The following FGGY variants were observed in gnomAD, a reference collection of about 807,000 sequenced individuals.
The protein encoded by FGGY is FGGY carbohydrate kinase domain-containing protein.
In FGGY, 72 loss-of-function variants were observed where a neutral mutation model predicts 71.3. The observed-to-expected ratio is 1.01, with a 90% CI of 0.84 to 1.23. The LOEUF (loss-of-function observed/expected upper bound fraction) is 1.23. Ranked by LOEUF, FGGY falls within the 50% of genes most tolerant of loss-of-function variation. The pLI, the probability that FGGY is intolerant of heterozygous loss-of-function variation, is 0.00. For synonymous variants in FGGY, 251 were observed against 250.3 expected, an observed-to-expected ratio of 1.00 and a Z score of -0.02; for missense variants, 668 against 682.3, an observed-to-expected ratio of 0.98 and a Z score of 0.23.
At chr1:59,652,842 T>C (rs945605728) in intron 11 of FGGY, among the ~76,000 whole-genome samples, 1 of 152,230 alleles carries the variant, frequency 6.6e-6, no homozygotes, top group African/African-American at 2.4e-5. Flanking sequence ...CGTTTTAGAT[T>C]TTCCAGTTTT....
In FGGY at chr1:59,550,754, T is replaced by C. The variant is rs1327517056; in HGVS notation, c.800-3370T>C. On this transcript the variant is annotated intron_variant, in intron 7 of 15. Coordinates refer to ENST00000303721, the MANE Select transcript of FGGY (RefSeq NM_018291.5). ...ACTGAGTTTCATGGTGAACTAGCAC[T>C]TCCAAGTATGTTTTCATTATGTAAG... 4.6e-5 allele frequency among the ~76,000 whole-genome samples: 7 copies of C among 152,284 alleles called. No individual in the cohort carries two copies. In the East Asian group the frequency reaches 7.7e-4, roughly 17 times the overall value.
chr1:59,615,674 C>T (rs184961360), intron 9 of FGGY, among the ~76,000 whole-genome samples: 1 of 152,130 alleles, frequency 6.6e-6, no homozygotes, highest in Non-Finnish European at 1.5e-5. Context: ...AGAGCTTCTG[C>T]CCAGCAAAAG....
chr1:59,719,977 C>T (rs1431366076), intron 14 of FGGY, among the ~76,000 whole-genome samples: 2 of 152,096 alleles, frequency 1.3e-5, no homozygotes, highest in South Asian at 4.1e-4. Flanking sequence ...AGTAGAATGC[C>T]TTTATATAAC....
At chr1:59,469,734 C>A (rs1317964539) in intron 6 of FGGY, among the ~76,000 whole-genome samples, 1 of 152,042 alleles carries the variant, frequency 6.6e-6, no homozygotes, top group African/African-American at 2.4e-5. Flanking sequence ...TGATCCTCTT[C>A]CTCCTCCCAC....
At chr1:59,431,150 C>T (rs1225279439) in intron 5 of FGGY, among the ~76,000 whole-genome samples, 1 of 152,108 alleles carries the variant, frequency 6.6e-6, no homozygotes, top group Non-Finnish European at 1.5e-5. Flanking sequence ...TGTCACCTAC[C>T]TCCTCTTTTC....
intron 11 of FGGY, among the ~76,000 whole-genome samples, chr1:59,652,112 C>T (rs1002398470): frequency 2.6e-5 from 4 of 152,072 alleles, no homozygotes; most frequent in African/African-American, 4.8e-5. Context: ...GGGTTTCTGC[C>T]GAGAGATCAG....
At chr1:59,629,497 G>A (rs555191353) in intron 10 of FGGY, among the ~76,000 whole-genome samples, 1 of 152,124 alleles carries the variant, frequency 6.6e-6, no homozygotes, top group Non-Finnish European at 1.5e-5. Flanking sequence ...CCATTGAGAG[G>A]GATTATGTCA....
rs1486572097 is a variant in FGGY, at chr1:59,647,729, C to A, written c.1221+9354C>A. 3.3e-5 allele frequency among the ~76,000 whole-genome samples: 5 copies of A among 151,380 alleles called. No homozygotes were observed. In the South Asian group the frequency reaches 1.0e-3, roughly 32 times the overall value. On this transcript the variant is annotated intron_variant, in intron 11 of 15. Coordinates refer to ENST00000303721, the MANE Select transcript of FGGY (RefSeq NM_018291.5). ...CCTCCGGCATTCCTGGGCCCACCAC[C>A]CCTGCCACCATCTTTTTTTTTTTTT...
At chr1:59,740,872 G>A (rs1558961674) in intron 14 of FGGY, among the ~76,000 whole-genome samples, 1 of 152,142 alleles carries the variant, frequency 6.6e-6, no homozygotes, top group Non-Finnish European at 1.5e-5. Context: ...GCGAGATGTG[G>A]CTAGTCCAAA....
rs540552301 is a variant in FGGY at position 59,585,269 on chromosome 1, A to G, written c.904-22534A>G. On this transcript the variant is annotated intron_variant, in intron 8 of 15. Transcript: ENST00000303721. ...GCATCACGCTACCTGACTTCAAACTATACTACCAGGCTACAGGAACCAAAA... is the reference window on the plus strand; with the variant it reads ...GCATCACGCTACCTGACTTCAAACTGTACTACCAGGCTACAGGAACCAAAA... Among the ~76,000 whole-genome samples the G allele has an allele frequency of 3.7e-3, 567 of 152,346 alleles. 3 individuals carry two copies. Among genetic ancestry groups the G allele is most frequent in the African/African-American group, 0.013 (548 of 41,578 alleles).
chr1:59,297,816 G>GGA, intron 1 of FGGY, among the ~76,000 whole-genome samples: 1 of 135,058 alleles, frequency 7.4e-6, no homozygotes, highest in East Asian at 2.2e-4. Flanking sequence ...GAGCGTCTCA[G>GGA]AAAAAAAAAA....
At chr1:59,653,100 G>A (rs1431157390) in intron 11 of FGGY, among the ~76,000 whole-genome samples, 4 of 152,244 alleles carry the variant, frequency 2.6e-5, no homozygotes, top group Non-Finnish European at 5.9e-5. Context: ...TGAGGAGGCA[G>A]TCTGCGGGTT....
intron 3 of FGGY, 83 bp from the exon 4 acceptor site, chr1:59,346,164 G>T: frequency 1.3e-6 from 2 of 1,529,024 alleles, no homozygotes; most frequent in South Asian, 2.4e-5. Flanking sequence ...ATAGCATTTT[G>T]ATCTTGGGAA....
chr1:59,677,243 A>G (rs1211488870), intron 14 of FGGY, among the ~76,000 whole-genome samples: 1 of 152,214 alleles, frequency 6.6e-6, no homozygotes, highest in Non-Finnish European at 1.5e-5. Context: ...TTTCAACCTG[A>G]ACTTCAACAC....
chr1:59,546,907 G>A (rs1318060965), intron 7 of FGGY, among the ~76,000 whole-genome samples: 1 of 150,956 alleles, frequency 6.6e-6, no homozygotes, highest in Non-Finnish European at 1.5e-5. Context: ...TTTCTTTCAA[G>A]GTCAAAGCAA....
At chr1:59,437,646 T>C (rs1029786272) in intron 5 of FGGY, among the ~76,000 whole-genome samples, 9 of 152,240 alleles carry the variant, frequency 5.9e-5, no homozygotes, top group Non-Finnish European at 2.9e-5. Flanking sequence ...AGATTATATC[T>C]GGTTATATAT....
rs776721125 is a variant in FGGY, at chr1:59,762,565, C to T, written c.1637C>T (p.Ala546Val). The T allele has an allele frequency of 2.5e-5, 41 of 1,613,408 alleles. No individual in the cohort carries two copies. The Middle Eastern group carries it at 4.9e-4, about 19-fold the overall frequency. The change falls in exon 16 of 16, where the codon GCG (alanine) becomes GTG (valine). Residue 546 changes from alanine (A) to valine (V), a missense_variant. By Grantham distance (64) the Ala-to-Val change is moderately conservative (BLOSUM62 0). Coordinates refer to ENST00000303721, the MANE Select transcript of FGGY (RefSeq NM_018291.5). Reference sequence around the variant, plus strand: ...GTTGAACACCAGAAGGAGTATTTGGCGATCATGAATGATGACTGAACAGGG... The same window carrying T: ...GTTGAACACCAGAAGGAGTATTTGGTGATCATGAATGATGACTGAACAGGG... ...KLVEHQKEYL[A>V]IMNDD
chr1:59,638,127 T>C, intron 10 of FGGY, 101 bp from the exon 11 acceptor site: 9 of 1,218,630 alleles, frequency 7.4e-6, no homozygotes, highest in Non-Finnish European at 9.2e-6. Context: ...AGGAGCCTGC[T>C]TACTTTCCTG....
rs375048352 is a variant in FGGY, at chr1:59,531,203, T to C, written c.799+18764T>C. 4.6e-5 allele frequency among the ~76,000 whole-genome samples: 7 copies of C among 152,340 alleles called. 2 individuals carry two copies. The highest frequency in any genetic ancestry group is 1.9e-4 in the East Asian group (1 of 5,186). ...CTGCCCTTACCAGTTATGTAACTTC[T>C]ACAAGTCACCTCTTTAAACCTCACT... On this transcript the variant is annotated intron_variant, in intron 7 of 15. Transcript: ENST00000303721.
Sources: allele counts gnomAD v4.1 joint callset (sites outside exome capture counted in the v4.1 genomes callset), GRCh38; gene constraint gnomAD v4.1.1; transcripts MANE v1.5; gene names NCBI Gene and HGNC (gene_info 2026-07-23, HGNC 2026-07-21).